LARP4B: variants seen among roughly 807,000 people sequenced by gnomAD.
LARP4B encodes la-related protein 4B.
LARP4B carries 12 observed loss-of-function variants against 89.8 expected under a neutral mutation model. That is an observed-to-expected ratio of 0.13 (90% confidence interval 0.09 to 0.22). LARP4B has a LOEUF of 0.22. Ranked by LOEUF, LARP4B falls within the 10% of genes least tolerant of loss-of-function variation. The probability of loss-of-function intolerance (pLI) is 1.00; values close to 1 mark genes in which losing one functional copy is unlikely to be tolerated. For synonymous variants in LARP4B, 367 were observed against 363.3 expected, an observed-to-expected ratio of 1.01 and a Z score of -0.12; for missense variants, 757 against 947.7, an observed-to-expected ratio of 0.80 and a Z score of 2.64.
the LARP4B span, among the ~76,000 whole-genome samples, chr10:967,633 C>T: frequency 4.6e-5 from 7 of 152,320 alleles, no homozygotes; most frequent in Middle Eastern, 3.4e-3. Context: ...GCCCTTGCTG[C>T]GGAGAGAATC....
At chr10:984,941 TAAAC>T in the LARP4B span, among the ~76,000 whole-genome samples, 13 of 152,010 alleles carry the variant, frequency 8.6e-5, no homozygotes, top group Non-Finnish European at 1.2e-4. Context: ...CATAAATAAA[TAAAC>T]AAACAAACAA....
the LARP4B span, among the ~76,000 whole-genome samples, chr10:950,077 T>C: frequency 6.6e-6 from 1 of 152,192 alleles, no homozygotes; most frequent in African/African-American, 2.4e-5. Flanking sequence ...TGCCTGGCCT[T>C]AGCTTTTTTT....
the LARP4B span, chr10:971,387 G>A: frequency 6.6e-6 from 1 of 152,206 alleles, no homozygotes; most frequent in African/African-American, 2.4e-5. Context: ...ATGTGGAACT[G>A]AATCGCAGCT....
the LARP4B span, among the ~76,000 whole-genome samples, chr10:981,105 G>A: frequency 6.6e-6 from 1 of 152,208 alleles, no homozygotes; most frequent in Admixed American, 6.5e-5. Context: ...CCCAGGGCAC[G>A]ACTAGAATGC....
At chr10:978,981 T>C in the LARP4B span, among the ~76,000 whole-genome samples, 1 of 152,006 alleles carries the variant, frequency 6.6e-6, no homozygotes, top group Non-Finnish European at 1.5e-5. Context: ...TGTCTCTCAA[T>C]GTTACTGTTG....
the LARP4B span, among the ~76,000 whole-genome samples, chr10:947,961 G>A: frequency 6.6e-6 from 1 of 152,042 alleles, no homozygotes; most frequent in Non-Finnish European, 1.5e-5. Context: ...AAACAAAAGT[G>A]GCTGAAAACT....
intron 1 of LARP4B, among the ~76,000 whole-genome samples, chr10:928,492 A>G (rs944984212): frequency 6.6e-6 from 1 of 152,214 alleles, no homozygotes; most frequent in Non-Finnish European, 1.5e-5. Flanking sequence ...GCCTATCACT[A>G]CAAAAACTTG....
At chr10:883,805 C>A (rs1431200111) in intron 3 of LARP4B, among the ~76,000 whole-genome samples, 2 of 151,476 alleles carry the variant, frequency 1.3e-5, no homozygotes, top group Admixed American at 6.6e-5. Context: ...AACAATCCAA[C>A]TCCTCAATTC....
intron 3 of LARP4B, among the ~76,000 whole-genome samples, chr10:874,629 C>T (rs377336862): frequency 2.0e-5 from 3 of 152,190 alleles, no homozygotes; most frequent in African/African-American, 7.2e-5. Context: ...ATGGTTCTGA[C>T]AGGCTATGTG....
chr10:880,106 G>T (rs1448848131), intron 3 of LARP4B, among the ~76,000 whole-genome samples: 1 of 152,092 alleles, frequency 6.6e-6, no homozygotes, highest in African/African-American at 2.4e-5. Flanking sequence ...TGACAAGGTG[G>T]TAACAACCTG....
chr10:840,977 C>G (rs983532531), intron 7 of LARP4B, among the ~76,000 whole-genome samples: 1 of 152,082 alleles, frequency 6.6e-6, no homozygotes, highest in Non-Finnish European at 1.5e-5. Flanking sequence ...TGTGGTAAAA[C>G]CTCGTCTCTA....
intron 7 of LARP4B, among the ~76,000 whole-genome samples, chr10:837,129 G>T (rs957884263): frequency 6.6e-6 from 1 of 152,130 alleles, no homozygotes; most frequent in Non-Finnish European, 1.5e-5. Flanking sequence ...GATAACAACG[G>T]AATATTATGA....
chr10:901,112 G>A (rs1031327444), intron 1 of LARP4B, among the ~76,000 whole-genome samples: 1 of 107,504 alleles, frequency 9.3e-6, no homozygotes. Context: ...GTAGAGACGA[G>A]GTTTCACCAT....
chr10:857,634 C>T (rs1834373247), intron 5 of LARP4B, among the ~76,000 whole-genome samples: 2 of 152,146 alleles, frequency 1.3e-5, no homozygotes, highest in Admixed American at 6.5e-5. Context: ...ATACGTCAAG[C>T]GCTCGGGAGT....
chr10:855,750 C>G (rs934835539), intron 5 of LARP4B, among the ~76,000 whole-genome samples: 6 of 152,142 alleles, frequency 3.9e-5, no homozygotes, highest in Non-Finnish European at 7.4e-5. Context: ...TTGCTTGATG[C>G]AGGGTTGCCA....
intron 1 of LARP4B, among the ~76,000 whole-genome samples, chr10:920,288 T>C (rs1274718153): frequency 1.3e-5 from 2 of 152,234 alleles, no homozygotes; most frequent in African/African-American, 2.4e-5. Context: ...GGGCTTCAGT[T>C]TCTGAGTCTT....
chr10:826,084 A>G (rs1053889962), intron 11 of LARP4B, among the ~76,000 whole-genome samples: 3 of 152,238 alleles, frequency 2.0e-5, no homozygotes, highest in African/African-American at 7.2e-5. Flanking sequence ...CCTTACAACA[A>G]TCCAGCGAGG....
At chr10:966,574 G>A in the LARP4B span, among the ~76,000 whole-genome samples, 1 of 152,270 alleles carries the variant, frequency 6.6e-6, no homozygotes, top group African/African-American at 2.4e-5. Flanking sequence ...CCGAAGGCTG[G>A]TGGAGCTGCA....
chr10:875,468 C>T (rs749962454), intron 3 of LARP4B, among the ~76,000 whole-genome samples: 7 of 152,228 alleles, frequency 4.6e-5, no homozygotes, highest in African/African-American at 7.2e-5. Context: ...TGCCAGCACA[C>T]TGCCTCAATG....
Sources: gnomAD v4.1 joint callset for allele counts (sites outside exome capture counted in the v4.1 genomes callset) on GRCh38, gnomAD v4.1.1 for gene constraint, MANE v1.5 for transcripts, NCBI Gene and HGNC (gene_info 2026-07-23, HGNC 2026-07-21) for gene names.